Variants in AXIN1 observed in about 807,000 individuals in gnomAD.
AXIN1 encodes the protein axin-1.
Under a neutral mutation model 76.4 loss-of-function variants are expected in AXIN1, and 30 were observed. The observed-to-expected ratio is 0.39, with a 90% CI of 0.29 to 0.53. AXIN1 has a LOEUF of 0.53. Among genes scored for constraint, AXIN1 ranks in the 20% least tolerant of loss-of-function variants. The pLI is 0.66. For missense variants in AXIN1, 1,140 were observed against 1,198.8 expected, an observed-to-expected ratio of 0.95 and a Z score of 0.72; for synonymous variants, 545 against 501.4, an observed-to-expected ratio of 1.09 and a Z score of -1.16.
chr16:337,149 C>CAAAAAAAAAAAAAAAAAAAAAAAAAA (rs398028563), intron 2 of AXIN1, among the ~76,000 whole-genome samples: 1 of 30,572 alleles, frequency 3.3e-5, no homozygotes, highest in Non-Finnish European at 6.7e-5. Context: ...GACCCCGTCT[C>CAAAAAAAAAAAAAAAAAAAAAAAAAA]AAAAAAAAAA....
chr16:287,967 C>T lies in AXIN1; in HGVS notation c.*155G>A. 2 of 1,294,064 alleles carry T rather than the reference C, an allele frequency of 1.5e-6. No homozygotes were observed. The highest frequency in any genetic ancestry group is 2.2e-6 in the Non-Finnish European group (2 of 909,510). 80.2% of individuals were successfully genotyped at this position (1,294,064 alleles called of 1,614,324 possible). A position where few individuals can be genotyped will look rare whatever the true frequency, so the allele number is the denominator to read the frequency against. Reference sequence around the variant, plus strand: ...AGCTTGTGGACCACTTGGAGGGACCCCCTACCTGCCTCTAGACACGGGTAG... The same window carrying T: ...AGCTTGTGGACCACTTGGAGGGACCTCCTACCTGCCTCTAGACACGGGTAG... On this transcript the variant is annotated 3_prime_UTR_variant, in exon 11 of 11. Transcript: ENST00000262320.
intron 3 of AXIN1, among the ~76,000 whole-genome samples, chr16:312,637 A>G (rs2053208502): frequency 6.6e-6 from 1 of 152,224 alleles, no homozygotes; most frequent in Non-Finnish European, 1.5e-5. Flanking sequence ...TGCTGCTAAA[A>G]TCACGTCAAC....
chr16:289,910 G>A (rs2052506753), intron 9 of AXIN1: 8 of 518,574 alleles, frequency 1.5e-5, no homozygotes, highest in African/African-American at 5.8e-5. Context: ...TAGGATGGCA[G>A]GGCAGGCTGC....
intron 8 of AXIN1, 140 bp from the exon 9 acceptor site, chr16:291,437 A>T (rs1269112725): frequency 6.8e-6 from 5 of 734,306 alleles, no homozygotes; most frequent in Non-Finnish European, 1.2e-5. Context: ...TCCAGTTTGC[A>T]GGGTAGACAA....
At chr16:312,563 C>G (rs1357288632) in intron 3 of AXIN1, among the ~76,000 whole-genome samples, 1 of 152,206 alleles carries the variant, frequency 6.6e-6, no homozygotes, top group East Asian at 1.9e-4. Flanking sequence ...TGCACCCAAC[C>G]ACCTGGCCCG....
chr16:290,211 C>G (rs374021583), intron 9 of AXIN1: 1 of 164,450 alleles, frequency 6.1e-6, no homozygotes. Context: ...TCGGCTACCC[C>G]GCCGCCACCT....
At chr16:307,124 C>G (rs1396331008) in intron 4 of AXIN1, among the ~76,000 whole-genome samples, 5 of 152,176 alleles carry the variant, frequency 3.3e-5, no homozygotes, top group Non-Finnish European at 5.9e-5. Flanking sequence ...CAGCCAGAGG[C>G]GCAGACAGAC....
intron 2 of AXIN1, among the ~76,000 whole-genome samples, chr16:344,981 G>GGTCACATGAATTCCAGGC (rs2054005300): frequency 6.6e-6 from 1 of 152,120 alleles, no homozygotes. Flanking sequence ...GGTCAGCAGG[G>GGTCACATGAATTCCAGGC]GTCACATGAA....
At chr16:336,854 C>T (rs2053815803) in intron 2 of AXIN1, among the ~76,000 whole-genome samples, 1 of 144,444 alleles carries the variant, frequency 6.9e-6, no homozygotes, top group Admixed American at 7.0e-5. Context: ...AATACAAGAA[C>T]TTAACCAGGT....
intron 2 of AXIN1, among the ~76,000 whole-genome samples, chr16:329,748 C>T (rs1484366709): frequency 1.3e-5 from 2 of 152,050 alleles, no homozygotes; most frequent in Non-Finnish European, 2.9e-5. Context: ...TTCAGCCTCC[C>T]GAGTAGCTGG....
At chr16:300,823 T>C (rs932906340) in intron 5 of AXIN1, among the ~76,000 whole-genome samples, 1 of 152,072 alleles carries the variant, frequency 6.6e-6, no homozygotes, top group Non-Finnish European at 1.5e-5. Flanking sequence ...GGACTAAAAG[T>C]GTTTGGAGTT....
intron 9 of AXIN1, 110 bp downstream of exon 9, chr16:291,080 A>G: frequency 9.9e-7 from 1 of 1,013,108 alleles, no homozygotes; most frequent in Non-Finnish European, 1.5e-6. Flanking sequence ...GCTGCTTCTG[A>G]GCGTGGTACC....
Position 346,825 on chromosome 16 carries a change from G to A in AXIN1, c.201C>T (p.Asp67=), listed in dbSNP as rs1488479172. The A allele has an allele frequency of 6.2e-7, 1 of 1,613,572 alleles. No homozygotes were observed. Among genetic ancestry groups the A allele is most frequent in the Non-Finnish European group, 8.5e-7 (1 of 1,179,554 alleles). Residue 67 remains aspartate, a synonymous_variant, in exon 2 of 11, where the codon GAC becomes GAT. Coordinates refer to ENST00000262320, the MANE Select transcript of AXIN1 (RefSeq NM_003502.4). ...STATPRRSDL[D]LGYEPEGSAS... Reference sequence around the variant, plus strand: ...CACTGCCCTCAGGCTCATACCCCAGGTCCAGATCCGAGCGCCTCGGAGTGG... The same window carrying A: ...CACTGCCCTCAGGCTCATACCCCAGATCCAGATCCGAGCGCCTCGGAGTGG...
intron 2 of AXIN1, among the ~76,000 whole-genome samples, chr16:323,426 G>A (rs9927371): frequency 0.018 from 2,342 of 127,064 alleles, 78 homozygotes; most frequent in African/African-American, 0.07. Context: ...GCGACAGAGC[G>A]AGACTCCGTC....
intron 2 of AXIN1, among the ~76,000 whole-genome samples, chr16:335,954 G>A (rs1242958911): frequency 6.6e-6 from 1 of 152,188 alleles, no homozygotes; most frequent in East Asian, 1.9e-4. Flanking sequence ...AAAGAAAATG[G>A]CCAGGCGTGG....
At chr16:336,498 G>T (rs1240800647) in intron 2 of AXIN1, among the ~76,000 whole-genome samples, 2 of 152,112 alleles carry the variant, frequency 1.3e-5, no homozygotes, top group Non-Finnish European at 2.9e-5. Flanking sequence ...CAAACGTGGG[G>T]CCCTGACCCA....
chr16:324,675 C>A (rs1211833353), intron 2 of AXIN1, among the ~76,000 whole-genome samples: 1 of 152,232 alleles, frequency 6.6e-6, no homozygotes, highest in Non-Finnish European at 1.5e-5. Flanking sequence ...CAAGCTAAGT[C>A]GTACTTTATA....
chr16:332,297 G>T (rs1028076137), intron 2 of AXIN1, among the ~76,000 whole-genome samples: 4 of 152,230 alleles, frequency 2.6e-5, no homozygotes, highest in Non-Finnish European at 5.9e-5. Context: ...CTGCAGCCAG[G>T]CTGGGCGCGG....
Position 287,612 on chromosome 16 carries a change from C to T in AXIN1, c.*510G>A, listed in dbSNP as rs866649485. On this transcript the variant is annotated 3_prime_UTR_variant, in exon 11 of 11. Coordinates refer to ENST00000262320, the MANE Select transcript of AXIN1 (RefSeq NM_003502.4). ...AAAGGAGGACCCAGGACTGCACAGC[C>T]GGCGGCTGGAGGCAGGTGCAGTGCT... The T allele has an allele frequency of 1.4e-4, 43 of 314,360 alleles. No homozygotes were observed. Among genetic ancestry groups the T allele is most frequent in the African/African-American group, 5.4e-4 (26 of 47,896 alleles). 19.5% of individuals were successfully genotyped at this position (314,360 alleles called of 1,614,324 possible).
Sources: gnomAD v4.1 joint callset for allele counts (sites outside exome capture counted in the v4.1 genomes callset) on GRCh38, gnomAD v4.1.1 for gene constraint, MANE v1.5 for transcripts, NCBI Gene and HGNC (gene_info 2026-07-23, HGNC 2026-07-21) for gene names.